ARID3A: variants seen among roughly 807,000 people sequenced by gnomAD.
ARID3A encodes AT-rich interactive domain-containing protein 3A.
A neutral mutation model predicts 52.7 loss-of-function variants in ARID3A; 11 were observed. The observed-to-expected ratio is 0.21, with a 90% CI of 0.13 to 0.35. ARID3A has a LOEUF of 0.35. Ranked by LOEUF, ARID3A falls within the 10% of genes least tolerant of loss-of-function variation. The pLI, the probability that ARID3A is intolerant of heterozygous loss-of-function variation, is 1.00. For missense variants in ARID3A, 721 were observed against 838.5 expected (o/e 0.86, Z 1.73); for synonymous variants, 404 against 359.4 (o/e 1.12, Z -1.40).
rs1417442522 is a variant in ARID3A, at chr19:975,370, G to C, written c.*3305G>C. The C allele has an allele frequency of 8.6e-6, 2 of 231,308 alleles. No individual in the cohort carries two copies. The highest frequency in any genetic ancestry group is 1.7e-5 in the Non-Finnish European group (2 of 116,924). 14.3% of individuals were successfully genotyped at this position (231,308 alleles called of 1,614,324 possible). ...GCGGGAGGGTGGGCACGGGGCACGG[G>C]GGGCAGCTGGGGTCGTTGTTAAGGG... On this transcript the variant is annotated 3_prime_UTR_variant, in exon 9 of 9. Coordinates refer to ENST00000263620, the MANE Select transcript of ARID3A (RefSeq NM_005224.3).
rs1480424424 is a variant in ARID3A, at chr19:944,459, C to T, written c.693+11717C>T. On this transcript the variant is annotated intron_variant, in intron 3 of 8. Coordinates refer to ENST00000263620, the MANE Select transcript of ARID3A (RefSeq NM_005224.3). This position sits in a 1 kb window ranked among gnomAD's most constrained non-coding sequence, Gnocchi z 5.9. ...TTTGTGTCTGCCACGGCCTCAGCCC[C>T]GTTGCTTCGGTCGATGCCCCCAAAC... is the stretch of plus-strand genomic sequence containing the variant. 2.0e-5 allele frequency among the ~76,000 whole-genome samples: 3 copies of T among 152,116 alleles called. No homozygotes were observed. The highest frequency in any genetic ancestry group is 2.1e-4 in the South Asian group (1 of 4,824).
intron 3 of ARID3A, among the ~76,000 whole-genome samples, chr19:951,304 C>T (rs915623536): frequency 6.6e-6 from 1 of 150,518 alleles, no homozygotes; most frequent in Non-Finnish European, 1.5e-5. Flanking sequence ...TGCCTGTAAT[C>T]CCAGCACTTT....
At chr19:945,105 T>C (rs1254871251) in intron 3 of ARID3A, among the ~76,000 whole-genome samples, 1 of 152,182 alleles carries the variant, frequency 6.6e-6, no homozygotes, top group Non-Finnish European at 1.5e-5. Context: ...ACCTGGTTCT[T>C]GGGGAAGAAC....
chr19:971,634 A>T (rs1409040603), intron 8 of ARID3A, among the ~76,000 whole-genome samples: 1 of 152,080 alleles, frequency 6.6e-6, no homozygotes, highest in African/African-American at 2.4e-5. Context: ...AAAAAAATAA[A>T]AAATTAGCCA....
chr19:940,848 G>A (rs10404117), intron 3 of ARID3A, among the ~76,000 whole-genome samples: 1,576 of 152,210 alleles, frequency 0.01, 14 homozygotes, highest in African/African-American at 0.028. Context: ...CCTCCCCACC[G>A]GGGCAGCGCC....
intron 3 of ARID3A, among the ~76,000 whole-genome samples, chr19:957,156 A>G (rs1318768234): frequency 6.7e-6 from 1 of 150,368 alleles, no homozygotes; most frequent in African/African-American, 2.4e-5. Context: ...TGTACCCCAG[A>G]CGGAGCCTCT....
intron 6 of ARID3A, 21 bp downstream of exon 6, chr19:965,101 T>C: frequency 2.5e-6 from 4 of 1,582,172 alleles, no homozygotes; most frequent in Non-Finnish European, 3.4e-6. Context: ...GTATGGGGCC[T>C]GGGGCGTGTT....
chr19:972,138 G>C lies in ARID3A; in HGVS notation c.*73G>C. On this transcript the variant is annotated 3_prime_UTR_variant, in exon 9 of 9. Coordinates refer to ENST00000263620, the MANE Select transcript of ARID3A (RefSeq NM_005224.3). ...GCAGGGGGTCCAGGTGGGCCACACAGGGGCCAGGATGGCGGAAGATACGGG... is the reference window on the plus strand; with the variant it reads ...GCAGGGGGTCCAGGTGGGCCACACACGGGCCAGGATGGCGGAAGATACGGG... 7.1e-7 allele frequency: 1 copy of C among 1,405,396 alleles called. No homozygotes were observed. The highest frequency in any genetic ancestry group is 9.4e-7 in the Non-Finnish European group (1 of 1,063,100). 87.1% of individuals were successfully genotyped at this position (1,405,396 alleles called of 1,614,324 possible). A position where few individuals can be genotyped will look rare whatever the true frequency, so the allele number is the denominator to read the frequency against.
chr19:943,653 C>T (rs976052745), intron 3 of ARID3A, among the ~76,000 whole-genome samples: 14 of 152,148 alleles, frequency 9.2e-5, no homozygotes, highest in African/African-American at 3.1e-4. Flanking sequence ...GAGGCTGGAG[C>T]GATGTGGCCA....
chr19:928,637 C>T (rs991524959), intron 1 of ARID3A: 6 of 152,272 alleles, frequency 3.9e-5, no homozygotes, highest in Admixed American at 2.0e-4. Context: ...CCTTCTCTGA[C>T]ACCTGTTGGT....
rs747600455 is a variant in ARID3A, at chr19:964,337, G to C, written c.856G>C (p.Val286Leu). ...GCTGGTGACGGAGAAGGGCGGCCTCGTGGAGGTCATCAACAAGAAGCTGTG... is the reference window on the plus strand; with the variant it reads ...GCTGGTGACGGAGAAGGGCGGCCTCCTGGAGGTCATCAACAAGAAGCTGTG... ...YVLVTEKGGL[V>L]EVINKKLWRE... Residue 286 changes from valine to leucine, a missense_variant, in exon 5 of 9, where the codon GTG (valine) becomes CTG (leucine). Val to Leu is a conservative substitution (Grantham distance 32). This residue lies in a region of ARID3A where 43 missense variants were observed against 143.7 expected (regional missense o/e 0.30). Transcript: ENST00000263620. This position sits in a 1 kb window ranked among gnomAD's most constrained non-coding sequence, Gnocchi z 5.7. 1 of 1,613,986 alleles carries C rather than the reference G, an allele frequency of 6.2e-7. No homozygotes were observed. Among genetic ancestry groups the C allele is most frequent in the African/African-American group, 1.3e-5 (1 of 74,920 alleles).
rs1402003109 is a variant in ARID3A at position 972,076 on chromosome 19, C to T, written c.*11C>T. The stretch of plus-strand genomic sequence containing the variant: ...AACTCGTTGCCTTAACCGCATCACT[C>T]CCCACCCGCCACCCACCCTGGAGCC... On this transcript the variant is annotated 3_prime_UTR_variant, in exon 9 of 9. Transcript: ENST00000263620. 1 of 1,511,708 alleles carries T rather than the reference C, an allele frequency of 6.6e-7. No individual in the cohort carries two copies. The highest frequency in any genetic ancestry group is 8.8e-7 in the Non-Finnish European group (1 of 1,132,750). 93.6% of individuals were successfully genotyped at this position (1,511,708 alleles called of 1,614,324 possible). A position where few individuals can be genotyped will look rare whatever the true frequency, so the allele number is the denominator to read the frequency against.
In ARID3A at chr19:960,228, T is replaced by G. The variant is rs1267869938; in HGVS notation, c.766+64T>G. 29 of 1,473,254 alleles carry G rather than the reference T, an allele frequency of 2.0e-5. No individual in the cohort carries two copies. The highest frequency in any genetic ancestry group is 2.7e-5 in the Non-Finnish European group (29 of 1,073,852). 91.3% of individuals were successfully genotyped at this position (1,473,254 alleles called of 1,614,324 possible). A position where few individuals can be genotyped will look rare whatever the true frequency, so the allele number is the denominator to read the frequency against. ...AGAAACAGGGCTGTAGGAGGGGCCC[T>G]ACTGGCTCCAGGTATGTCGGGGCGG... On this transcript the variant is annotated intron_variant, in intron 4 of 8. Transcript: ENST00000263620. This position sits in a 1 kb window ranked among gnomAD's most constrained non-coding sequence, Gnocchi z 4.3.
intron 3 of ARID3A, among the ~76,000 whole-genome samples, chr19:943,416 A>G (rs542963735): frequency 6.6e-6 from 1 of 151,838 alleles, no homozygotes; most frequent in Non-Finnish European, 1.5e-5. Flanking sequence ...TAAAAATACA[A>G]AATTAGCCGG....
chr19:949,666 C>T (rs1001983345), intron 3 of ARID3A, among the ~76,000 whole-genome samples: 7 of 142,848 alleles, frequency 4.9e-5, no homozygotes, highest in Non-Finnish European at 9.0e-5. Flanking sequence ...CCCACAGACC[C>T]TGATTCTGTC....
rs965445689 is a variant in ARID3A at position 942,873 on chromosome 19, C to G, written c.693+10131C>G. On this transcript the variant is annotated intron_variant, in intron 3 of 8. Coordinates refer to ENST00000263620, the MANE Select transcript of ARID3A (RefSeq NM_005224.3). The surrounding 1 kb of genome is among the most constrained non-coding windows in gnomAD (Gnocchi z 8.1). ...ATTGGATGGCATCGCCCAAAACTCA[C>G]GTCCACCCAGAACCTCAAGATGGGA... Among the ~76,000 whole-genome samples, 1 of 152,212 alleles carries G rather than the reference C, an allele frequency of 6.6e-6. No homozygotes were observed. The highest frequency in any genetic ancestry group is 1.5e-5 in the Non-Finnish European group (1 of 68,034).
Position 959,942 on chromosome 19 carries a change from C to T in ARID3A, c.694-150C>T, listed in dbSNP as rs866000612. ...GCCTTGTGGTTCTTCACCTGCCCAG[C>T]GGGGTCTTCGGCTCTGGCAGCGGCT... On this transcript the variant is annotated intron_variant, in intron 3 of 8. Coordinates refer to ENST00000263620, the MANE Select transcript of ARID3A (RefSeq NM_005224.3). The surrounding 1 kb of genome is among the most constrained non-coding windows in gnomAD (Gnocchi z 5.0). 2.5e-5 allele frequency: 13 copies of T among 527,204 alleles called. No homozygotes were observed. Among genetic ancestry groups the T allele is most frequent in the Middle Eastern group, 6.1e-4 (2 of 3,284 alleles). The allele number at this position is 527,204 out of a possible 1,614,324, so 32.7% of individuals were successfully genotyped here.
At chr19:931,876 A>G (rs1894167107) in intron 2 of ARID3A, among the ~76,000 whole-genome samples, 2 of 150,028 alleles carry the variant, frequency 1.3e-5, no homozygotes, top group Admixed American at 1.3e-4. Context: ...GTGGAGGGGC[A>G]GTGGCGAGGG....
intron 3 of ARID3A, among the ~76,000 whole-genome samples, 159 bp downstream of exon 3, chr19:932,901 C>T (rs996317164): frequency 1.5e-4 from 23 of 152,330 alleles, no homozygotes; most frequent in South Asian, 2.1e-4. Flanking sequence ...CCCTCCTGGG[C>T]GTGGGCTCGA....
Sources: gnomAD v4.1 joint callset for allele counts (sites outside exome capture counted in the v4.1 genomes callset) on GRCh38, gnomAD v4.1.1 for gene constraint, gnomAD v4.1.1 regional missense constraint, Gnocchi (gnomAD v3.1) non-coding constraint, MANE v1.5 for transcripts, NCBI Gene and HGNC (gene_info 2026-07-23, HGNC 2026-07-21) for gene names.